Variants in GRIA4 observed in about 807,000 individuals in gnomAD.
The protein encoded by GRIA4 is glutamate ionotropic receptor AMPA type subunit 4.
GRIA4 carries 34 observed loss-of-function variants against 104.0 expected under a neutral mutation model. The observed-to-expected ratio is 0.33, with a 90% confidence interval of 0.25 to 0.44. GRIA4 has a LOEUF of 0.44. Ranked by LOEUF, GRIA4 falls within the 20% of genes least tolerant of loss-of-function variation. The pLI is 1.00. For synonymous variants in GRIA4, 386 were observed against 381.9 expected, an observed-to-expected ratio of 1.01 and a Z score of -0.13; for missense variants, 750 against 1,096.5, an observed-to-expected ratio of 0.68 and a Z score of 4.46.
At chr11:105,770,414 A>G (rs1334839916) in intron 4 of GRIA4, among the ~76,000 whole-genome samples, 1 of 152,034 alleles carries the variant, frequency 6.6e-6, no homozygotes. Context: ...TAGTTTCTCA[A>G]CATATGTTTG....
intron 4 of GRIA4, among the ~76,000 whole-genome samples, chr11:105,857,051 C>G (rs565742983): frequency 5.3e-5 from 8 of 152,228 alleles, no homozygotes; most frequent in African/African-American, 1.9e-4. Flanking sequence ...ATAGTTACAG[C>G]TGCAGGTAAT....
chr11:105,883,006 T>C (rs1946119524), intron 5 of GRIA4, among the ~76,000 whole-genome samples: 1 of 152,128 alleles, frequency 6.6e-6, no homozygotes, highest in Non-Finnish European at 1.5e-5. Flanking sequence ...ATAGGCCTGA[T>C]TGCCTGATTA....
At chr11:105,632,137 G>T (rs2135313397) in intron 3 of GRIA4, among the ~76,000 whole-genome samples, 1 of 152,282 alleles carries the variant, frequency 6.6e-6, no homozygotes, top group South Asian at 2.1e-4. Context: ...GATAATTCAA[G>T]AACCGTAATT....
At chr11:105,709,202 A>T (rs1391575882) in intron 3 of GRIA4, among the ~76,000 whole-genome samples, 1 of 152,144 alleles carries the variant, frequency 6.6e-6, no homozygotes, top group East Asian at 1.9e-4. Context: ...TAAAAAAATT[A>T]AATAGTGGTC....
intron 3 of GRIA4, among the ~76,000 whole-genome samples, chr11:105,620,853 C>A (rs1006108470): frequency 6.6e-6 from 1 of 151,620 alleles, no homozygotes; most frequent in African/African-American, 2.4e-5. Context: ...AACTATTTTC[C>A]AGAATGCTTC....
intron 14 of GRIA4, among the ~76,000 whole-genome samples, chr11:105,943,049 A>T (rs1948220437): frequency 6.6e-6 from 1 of 152,138 alleles, no homozygotes; most frequent in African/African-American, 2.4e-5. Flanking sequence ...TTAGGAAAAC[A>T]ACAAAATTCT....
At chr11:105,723,978 G>T (rs1938011698) in intron 3 of GRIA4, among the ~76,000 whole-genome samples, 1 of 152,054 alleles carries the variant, frequency 6.6e-6, no homozygotes, top group African/African-American at 2.4e-5. Flanking sequence ...TCTGACACCA[G>T]TCAAAATGAC....
At chr11:105,748,119 G>C (rs1307215938) in intron 3 of GRIA4, among the ~76,000 whole-genome samples, 1 of 152,068 alleles carries the variant, frequency 6.6e-6, no homozygotes, top group Admixed American at 6.6e-5. Context: ...TTACATTTGG[G>C]GCAAGACTTA....
chr11:105,870,386 T>C (rs973876749), intron 5 of GRIA4, among the ~76,000 whole-genome samples: 2 of 151,988 alleles, frequency 1.3e-5, no homozygotes, highest in African/African-American at 4.8e-5. Context: ...ACAACACTTA[T>C]CCATTTGGTC....
chr11:105,682,429 A>G (rs1246946572), intron 3 of GRIA4, among the ~76,000 whole-genome samples: 4 of 152,306 alleles, frequency 2.6e-5, no homozygotes, highest in African/African-American at 9.6e-5. Context: ...TCATCTAAAG[A>G]AAAGATGATG....
At chr11:105,950,856 T>C (rs147715912) in intron 14 of GRIA4, among the ~76,000 whole-genome samples, 7 of 151,828 alleles carry the variant, frequency 4.6e-5, no homozygotes, top group African/African-American at 1.7e-4. Flanking sequence ...CAGAGAGCCA[T>C]AGAAGGATGA....
At chr11:105,623,603 C>A (rs1348240870) in intron 3 of GRIA4, among the ~76,000 whole-genome samples, 1 of 151,946 alleles carries the variant, frequency 6.6e-6, no homozygotes, top group African/African-American at 2.4e-5. Flanking sequence ...TTTTATTGGA[C>A]TCCTCCAATA....
chr11:105,779,579 A>G (rs999738668), intron 4 of GRIA4, among the ~76,000 whole-genome samples: 1 of 152,168 alleles, frequency 6.6e-6, no homozygotes, highest in African/African-American at 2.4e-5. Context: ...GCACATGTAT[A>G]CATATGTAAC....
At chr11:105,930,878 A>G (rs908941332) in intron 13 of GRIA4, among the ~76,000 whole-genome samples, 3 of 152,128 alleles carry the variant, frequency 2.0e-5, no homozygotes, top group African/African-American at 7.2e-5. Flanking sequence ...AAAGTATACA[A>G]TGTATGTGGA....
chr11:105,708,393 A>G (rs1178631557), intron 3 of GRIA4, among the ~76,000 whole-genome samples: 1 of 152,120 alleles, frequency 6.6e-6, no homozygotes, highest in East Asian at 1.9e-4. Flanking sequence ...ACTGCCCTTT[A>G]TAACATTTCC....
At chr11:105,794,625 G>T (rs566867158) in intron 4 of GRIA4, among the ~76,000 whole-genome samples, 2 of 147,960 alleles carry the variant, frequency 1.4e-5, no homozygotes, top group African/African-American at 4.9e-5. Context: ...TAGAGAGAGA[G>T]AGTTATGGTT....
intron 4 of GRIA4, among the ~76,000 whole-genome samples, chr11:105,809,881 C>T (rs1482514728): frequency 6.6e-6 from 1 of 152,036 alleles, no homozygotes; most frequent in Non-Finnish European, 1.5e-5. Flanking sequence ...ATTACCCATC[C>T]CCTCTTTATC....
intron 3 of GRIA4, among the ~76,000 whole-genome samples, chr11:105,715,000 C>A (rs777736446): frequency 5.9e-5 from 9 of 152,040 alleles, no homozygotes; most frequent in Non-Finnish European, 1.2e-4. Context: ...CAGTCAAGGC[C>A]AGACTTGATG....
At chr11:105,728,838 G>C (rs1455002819) in intron 3 of GRIA4, among the ~76,000 whole-genome samples, 1 of 152,102 alleles carries the variant, frequency 6.6e-6, no homozygotes, top group Non-Finnish European at 1.5e-5. Context: ...AAATCTCTGG[G>C]ACACAGCTAA....
Sources: allele counts gnomAD v4.1 joint callset (sites outside exome capture counted in the v4.1 genomes callset), GRCh38; gene constraint gnomAD v4.1.1; transcripts MANE v1.5; gene names NCBI Gene and HGNC (gene_info 2026-07-23, HGNC 2026-07-21).